Variants in PCSK5 observed in about 807,000 individuals in gnomAD.
The protein encoded by PCSK5 is proprotein convertase subtilisin/kexin type 5.
Under a neutral mutation model 233.2 loss-of-function variants are expected in PCSK5, and 129 were observed. That is an observed-to-expected ratio of 0.55 (90% CI 0.48 to 0.64). The LOEUF is 0.64. Among genes scored for constraint, PCSK5 ranks in the 30% least tolerant of loss-of-function variants. The probability of loss-of-function intolerance (pLI) is 0.00; values close to 1 mark genes in which losing one functional copy is unlikely to be tolerated. For synonymous variants in PCSK5, 825 were observed against 879.2 expected (o/e 0.94, Z 1.09); for missense variants, 2,076 against 2,430.1 (o/e 0.85, Z 3.06).
At chr9:75,909,655 A>G (rs913314205) in intron 1 of PCSK5, among the ~76,000 whole-genome samples, 4 of 152,194 alleles carry the variant, frequency 2.6e-5, no homozygotes, top group African/African-American at 4.8e-5. Context: ...AGATCGTGCC[A>G]TTGCACTTCA....
intron 2 of PCSK5, among the ~76,000 whole-genome samples, chr9:75,959,837 T>C (rs185856086): frequency 1.3e-5 from 2 of 152,290 alleles, no homozygotes; most frequent in Admixed American, 1.3e-4. Context: ...AGGGGAGAAA[T>C]AGGAATGAGT....
chr9:76,247,965 T>C (rs890803710), intron 24 of PCSK5, among the ~76,000 whole-genome samples: 2 of 152,074 alleles, frequency 1.3e-5, no homozygotes, highest in Non-Finnish European at 2.9e-5. Context: ...TTTGTATTTT[T>C]AGTAGAGATG....
intron 17 of PCSK5, 107 bp downstream of exon 17, chr9:76,184,864 ACC>A: frequency 1.6e-6 from 1 of 624,018 alleles, no homozygotes; most frequent in East Asian, 3.0e-5. Context: ...CTTATGATCT[ACC>A]CTGGGTTTGA....
intron 5 of PCSK5, among the ~76,000 whole-genome samples, chr9:76,037,631 G>C (rs1828918567): frequency 1.3e-5 from 2 of 152,144 alleles, no homozygotes; most frequent in Non-Finnish European, 2.9e-5. Flanking sequence ...GACAACCTTT[G>C]TGAGTCCCTC....
At chr9:76,104,471 G>A (rs1564028479) in intron 8 of PCSK5, among the ~76,000 whole-genome samples, 2 of 152,286 alleles carry the variant, frequency 1.3e-5, no homozygotes, top group South Asian at 4.1e-4. Flanking sequence ...CAGATGTGCC[G>A]ACATTAATAG....
intron 5 of PCSK5, among the ~76,000 whole-genome samples, chr9:76,046,253 C>G (rs1478035256): frequency 1.5e-5 from 2 of 134,090 alleles, no homozygotes; most frequent in African/African-American, 2.7e-5. Context: ...TCCCGGCTCA[C>G]TGCAATCTCT....
At chr9:76,198,586 T>A (rs992554663) in intron 20 of PCSK5, among the ~76,000 whole-genome samples, 2 of 152,140 alleles carry the variant, frequency 1.3e-5, no homozygotes, top group African/African-American at 4.8e-5. Context: ...GAAAAGCAAG[T>A]CCACATCACA....
Position 76,030,734 on chromosome 9 carries a change from TTGA to T in PCSK5, c.632+3700_632+3702del, listed in dbSNP as rs1828620453. On this transcript the variant is annotated intron_variant, in intron 5 of 37. Coordinates refer to ENST00000674117, the MANE Select transcript of PCSK5 (RefSeq NM_001372043.1). ...AAAGGCAATTCTTTGAATATTGGCT[TTGA>T]TGGCTTTTTATAGACTATCCTTTTA... is the stretch of plus-strand genomic sequence containing the variant. 2.0e-5 allele frequency among the ~76,000 whole-genome samples: 3 copies of T among 152,296 alleles called. No individual in the cohort carries two copies. In the South Asian group the frequency reaches 6.2e-4, roughly 32 times the overall value.
At chr9:75,915,324 A>G (rs1822940047) in intron 1 of PCSK5, among the ~76,000 whole-genome samples, 1 of 152,204 alleles carries the variant, frequency 6.6e-6, no homozygotes, top group South Asian at 2.1e-4. Flanking sequence ...TGTTCTGTTT[A>G]TGGGTCTGTA....
intron 28 of PCSK5, among the ~76,000 whole-genome samples, chr9:76,307,635 T>G (rs1828741456): frequency 6.6e-6 from 1 of 152,030 alleles, no homozygotes; most frequent in South Asian, 2.1e-4. Context: ...TAATGGTATA[T>G]TAACCTGGGA....
rs112829537 is a variant in PCSK5, at chr9:76,068,423, T to G, written c.721+380T>G. On this transcript the variant is annotated intron_variant, in intron 6 of 37. Transcript: ENST00000674117. Reference sequence around the variant, plus strand: ...TATGGAAAGAAGCATTTTGTAATTCTCTCAAAGTGGAAAATCCTGGTTTTT... The same window carrying G: ...TATGGAAAGAAGCATTTTGTAATTCGCTCAAAGTGGAAAATCCTGGTTTTT... Among the ~76,000 whole-genome samples, 388 of 152,300 alleles carry G rather than the reference T, an allele frequency of 2.5e-3. 1 individual carries two copies. Among genetic ancestry groups the G allele is most frequent in the African/African-American group, 9.0e-3 (373 of 41,564 alleles).
At chr9:76,002,923 C>T (rs1268527124) in intron 3 of PCSK5, among the ~76,000 whole-genome samples, 10 of 152,146 alleles carry the variant, frequency 6.6e-5, no homozygotes, top group South Asian at 2.1e-4. Flanking sequence ...AAGTCTAATA[C>T]GAAAAAAGTG....
In PCSK5 at chr9:76,101,172, C is replaced by T. The variant is rs191930422; in HGVS notation, c.1107+5070C>T. 4.6e-5 allele frequency among the ~76,000 whole-genome samples: 7 copies of T among 152,180 alleles called. No individual in the cohort carries two copies. In the East Asian group the frequency reaches 7.7e-4, roughly 17 times the overall value. ...ATGGAAACTACTTGAGGATGAAGAC[C>T]GTGTTTTGTTCCTTTCCAGAGCCTG... is the stretch of plus-strand genomic sequence containing the variant. On this transcript the variant is annotated intron_variant, in intron 8 of 37. Transcript: ENST00000674117.
intron 24 of PCSK5, 85 bp from the exon 25 acceptor site, chr9:76,292,148 T>C: frequency 2.5e-6 from 2 of 788,048 alleles, no homozygotes; most frequent in Admixed American, 1.8e-5. Flanking sequence ...CAGGATTGTT[T>C]ATCTCAAGCT....
intron 35 of PCSK5, among the ~76,000 whole-genome samples, chr9:76,346,673 G>A (rs1829990506): frequency 6.6e-6 from 1 of 151,928 alleles, no homozygotes; most frequent in Non-Finnish European, 1.5e-5. Context: ...AAAATGTTGT[G>A]CTATCATCTG....
Position 76,276,372 on chromosome 9 carries a change from T to A in PCSK5, c.3143-15861T>A, listed in dbSNP as rs73462439. On this transcript the variant is annotated intron_variant, in intron 24 of 37. Coordinates refer to ENST00000674117, the MANE Select transcript of PCSK5 (RefSeq NM_001372043.1). ...CAGTCATCATTTTAAATAAATCAGA[T>A]CACATAGGTCATTTTTACTGAAGCT... Among the ~76,000 whole-genome samples the A allele has an allele frequency of 3.7e-3, 558 of 152,284 alleles. 3 individuals are homozygous for A. Among genetic ancestry groups the A allele is most frequent in the African/African-American group, 0.013 (529 of 41,570 alleles).
At chr9:76,099,568 A>T (rs1290575435) in intron 8 of PCSK5, among the ~76,000 whole-genome samples, 1 of 152,102 alleles carries the variant, frequency 6.6e-6, no homozygotes, top group South Asian at 2.1e-4. Flanking sequence ...AAAGAAAGAC[A>T]CTCTGATCGG....
At chr9:76,051,569 A>AC (rs1429840939) in intron 5 of PCSK5, among the ~76,000 whole-genome samples, 1 of 152,138 alleles carries the variant, frequency 6.6e-6, no homozygotes, top group African/African-American at 2.4e-5. Context: ...ATCATAGGTA[A>AC]TACTTATCTC....
intron 1 of PCSK5, among the ~76,000 whole-genome samples, chr9:75,916,067 TAAGAA>T (rs1459612645): frequency 1.3e-5 from 2 of 152,198 alleles, no homozygotes; most frequent in Non-Finnish European, 2.9e-5. Flanking sequence ...CTTTTTATGT[TAAGAA>T]AGAAAATTAA....
Sources: allele counts gnomAD v4.1 joint callset (sites outside exome capture counted in the v4.1 genomes callset), GRCh38; gene constraint gnomAD v4.1.1; transcripts MANE v1.5; gene names NCBI Gene and HGNC (gene_info 2026-07-23, HGNC 2026-07-21).